Variants in PAGE2B observed in about 807,000 individuals in gnomAD.
PAGE2B encodes PAGE family member 2B, also known as putative G antigen family E member 3.
PAGE2B carries 5 observed loss-of-function variants against 7.6 expected under a neutral mutation model. That is an observed-to-expected ratio of 0.66 (90% CI 0.34 to 1.38). The LOEUF (loss-of-function observed/expected upper bound fraction) is 1.38, where lower values mean the gene tolerates loss of function less well. Among genes scored for constraint, PAGE2B ranks in the 40% most tolerant of loss-of-function variants. The probability of loss-of-function intolerance (pLI) is 0.04; values close to 1 mark genes in which losing one functional copy is unlikely to be tolerated. For synonymous variants in PAGE2B, 29 were observed against 26.7 expected (o/e 1.09, Z -0.27); for missense variants, 70 against 78.4 (o/e 0.89, Z 0.41).
the PAGE2B span, among the ~76,000 whole-genome samples, chrX:55,052,120 A>G: frequency 8.9e-6 from 1 of 111,797 alleles, no homozygotes; most frequent in Non-Finnish European, 1.9e-5. Context: ...GCTGCAGAAC[A>G]GCGGATATTG....
chrX:55,035,140 G>A, the PAGE2B span, among the ~76,000 whole-genome samples: 3 of 111,165 alleles, frequency 2.7e-5, no homozygotes, highest in South Asian at 1.1e-3. Context: ...CACCCTCACA[G>A]ACATACCCAA....
At chrX:55,068,983 AAG>A in the PAGE2B span, among the ~76,000 whole-genome samples, 1 of 111,905 alleles carries the variant, frequency 8.9e-6, no homozygotes, top group African/African-American at 3.3e-5. Context: ...GTCATCTGCA[AAG>A]AGAGATAATT....
At chrX:55,043,512 GA>G in the PAGE2B span, among the ~76,000 whole-genome samples, 2 of 110,295 alleles carry the variant, frequency 1.8e-5, no homozygotes, top group African/African-American at 6.6e-5. Context: ...AATCCCATCC[GA>G]AAGTATTGTC....
At chrX:55,043,526 T>G in the PAGE2B span, among the ~76,000 whole-genome samples, 1 of 109,969 alleles carries the variant, frequency 9.1e-6, no homozygotes, top group South Asian at 3.8e-4. Flanking sequence ...GTATTGTCCA[T>G]AAATAGAAAG....
At chrX:55,064,305 T>C in the PAGE2B span, among the ~76,000 whole-genome samples, 1 of 111,682 alleles carries the variant, frequency 9.0e-6, no homozygotes, top group African/African-American at 3.2e-5. Flanking sequence ...TAGGAATTTT[T>C]CCATTTCTTC....
chrX:55,035,716 T>A, the PAGE2B span, among the ~76,000 whole-genome samples: 2 of 112,330 alleles, frequency 1.8e-5, no homozygotes, highest in Non-Finnish European at 3.8e-5. Flanking sequence ...TTATTTCACC[T>A]GTCTGAATTT....
At chrX:55,041,899 T>C in the PAGE2B span, among the ~76,000 whole-genome samples, 2 of 111,338 alleles carry the variant, frequency 1.8e-5, no homozygotes, top group African/African-American at 6.5e-5. Flanking sequence ...ATAGAAGGGA[T>C]GTAACTTAAG....
At chrX:55,053,818 T>C in the PAGE2B span, among the ~76,000 whole-genome samples, 1 of 112,568 alleles carries the variant, frequency 8.9e-6, no homozygotes, top group Non-Finnish European at 1.9e-5. Context: ...AAACCTCATA[T>C]ACTTACTTGA....
At chrX:55,051,628 C>T in the PAGE2B span, among the ~76,000 whole-genome samples, 6 of 112,298 alleles carry the variant, frequency 5.3e-5, no homozygotes, top group East Asian at 1.4e-3. Context: ...GCATTCGTCA[C>T]GTAGTTCTCA....
At chrX:55,072,750 T>G (rs776477242), upstream of PAGE2B, among the ~76,000 whole-genome samples, 1 of 112,520 alleles carries the variant, frequency 8.9e-6, no homozygotes, top group East Asian at 2.8e-4. Flanking sequence ...CTGCCTTTCC[T>G]TCAGAGATGC....
At chrX:55,052,362 C>T in the PAGE2B span, among the ~76,000 whole-genome samples, 1 of 112,208 alleles carries the variant, frequency 8.9e-6, no homozygotes, top group African/African-American at 3.2e-5. Context: ...TTAAGTCTGC[C>T]GAGGTTATTG....
the PAGE2B span, among the ~76,000 whole-genome samples, chrX:55,050,386 C>G: frequency 9.1e-6 from 1 of 109,346 alleles, no homozygotes; most frequent in Admixed American, 9.7e-5. Flanking sequence ...TCTCATTGAT[C>G]TGTCTAATGT....
the PAGE2B span, among the ~76,000 whole-genome samples, chrX:55,037,006 CT>C: frequency 9.0e-6 from 1 of 111,069 alleles, no homozygotes; most frequent in Non-Finnish European, 1.9e-5. Flanking sequence ...GACTTCATGT[CT>C]AAAACACCAA....
chrX:55,072,442 G>T (rs1191784454), upstream of PAGE2B, among the ~76,000 whole-genome samples: 2 of 112,418 alleles, frequency 1.8e-5, no homozygotes, highest in Admixed American at 1.9e-4. Flanking sequence ...TCCCAGAGGG[G>T]CACTGGCCTG....
chrX:55,039,853 C>T, the PAGE2B span, among the ~76,000 whole-genome samples: 1 of 112,019 alleles, frequency 8.9e-6, no homozygotes, highest in Admixed American at 9.5e-5. Context: ...TTGTTCTTTT[C>T]AATAGCTTCT....
At chrX:55,038,825 T>C in the PAGE2B span, among the ~76,000 whole-genome samples, 6 of 111,623 alleles carry the variant, frequency 5.4e-5, no homozygotes, top group Admixed American at 9.6e-5. Context: ...TGTGAGTTGA[T>C]GGTAACCTGG....
the PAGE2B span, among the ~76,000 whole-genome samples, chrX:55,056,059 G>T: frequency 8.9e-6 from 1 of 111,737 alleles, no homozygotes; most frequent in Non-Finnish European, 1.9e-5. Flanking sequence ...CTCTGAAAGA[G>T]AGAGCAGGTG....
At chrX:55,043,492 GA>G in the PAGE2B span, among the ~76,000 whole-genome samples, 728 of 101,077 alleles carry the variant, frequency 7.2e-3, 12 homozygotes, top group African/African-American at 0.018. Context: ...AAATCAGCAA[GA>G]AAAAAAAAAA....
upstream of PAGE2B, among the ~76,000 whole-genome samples, chrX:55,073,547 T>A (rs138006102): frequency 5.7e-3 from 635 of 112,077 alleles, 11 homozygotes; most frequent in Admixed American, 0.055. Flanking sequence ...AATTTTAAAG[T>A]AGTTTTCTTC....
Sources: allele counts gnomAD v4.1 joint callset (sites outside exome capture counted in the v4.1 genomes callset), GRCh38; gene constraint gnomAD v4.1.1; transcripts MANE v1.5; gene names NCBI Gene and HGNC (gene_info 2026-07-23, HGNC 2026-07-21).